TTC14: variants seen among roughly 807,000 people sequenced by gnomAD.
The protein encoded by TTC14 is tetratricopeptide repeat domain 14.
TTC14 carries 63 observed loss-of-function variants against 79.9 expected under a neutral mutation model. The observed-to-expected ratio is 0.79, with a 90% CI of 0.64 to 0.97. TTC14 has a LOEUF of 0.97. Among genes scored for constraint, TTC14 ranks in the 50% least tolerant of loss-of-function variants. The probability of loss-of-function intolerance (pLI) is 0.00; values close to 1 mark genes in which losing one functional copy is unlikely to be tolerated. For missense variants in TTC14, 895 were observed against 894.0 expected, an observed-to-expected ratio of 1.00 and a Z score of -0.01; for synonymous variants, 335 against 309.6, an observed-to-expected ratio of 1.08 and a Z score of -0.86.
chr3:180,617,492 T>C (rs368349887), exon 13 of TTC14: 15 of 682,484 alleles, frequency 2.2e-5, no homozygotes, highest in East Asian at 1.1e-4. Context: ...TTCATGTTAC[T>C]GACCCTGAAG....
intron 3 of TTC14, 45 bp from the exon 4 acceptor site, chr3:180,604,180 T>A (rs369022377): frequency 6.5e-7 from 1 of 1,526,960 alleles, no homozygotes; most frequent in Non-Finnish European, 9.1e-7. Context: ...ACTGTTCTTA[T>A]CAAAGCTTGA....
chr3:180,616,216 T>A (rs1717231926), intron 12 of TTC14: 1 of 1,368,666 alleles, frequency 7.3e-7, no homozygotes, highest in Non-Finnish European at 1.0e-6. Context: ...GATGTAGAAG[T>A]GGCTGGAATC....
chr3:180,614,951 A>G, downstream of TTC14: 7 of 1,566,162 alleles, frequency 4.5e-6, no homozygotes, highest in Non-Finnish European at 6.1e-6. Flanking sequence ...TCTTAACATT[A>G]CTAGAGCTAC....
At chr3:180,617,025 T>C (rs1717273854) in intron 12 of TTC14, 1 of 914,404 alleles carries the variant, frequency 1.1e-6, no homozygotes, top group African/African-American at 1.7e-5. Context: ...TTATAACTTG[T>C]CATTTATCAA....
rs762561941 is a variant in TTC14, at chr3:180,602,989, C to T, written c.260C>T (p.Thr87Ile). ...TCCTGGAAATCAGATGCACCTGCAA[C>T]TTCTGAAATTAATGAAGACAGTGAA... is the stretch of plus-strand genomic sequence containing the variant. The part of the protein sequence containing the change: ...ALSWKSDAPA[T>I]SEINEDSEDH... The change falls in exon 2 of 12, where the codon ACT becomes ATT. Residue 87 changes from threonine (T) to isoleucine (I), a missense_variant. Physicochemically the swap from Thr to Ile is moderately conservative, Grantham distance 89 (BLOSUM62 -1). Transcript: ENST00000296015. 1 of 1,613,586 alleles carries T rather than the reference C, an allele frequency of 6.2e-7. No individual in the cohort carries two copies. Among genetic ancestry groups the T allele is most frequent in the East Asian group, 2.2e-5 (1 of 44,866 alleles).
intron 7 of TTC14, 149 bp from the exon 8 acceptor site, chr3:180,606,101 CAGA>C (rs1716667347): frequency 9.2e-7 from 1 of 1,082,276 alleles, no homozygotes; most frequent in African/African-American, 1.6e-5. Flanking sequence ...TGTCCAAAGG[CAGA>C]AGAACGTTCC....
chr3:180,604,780 A>ATAT, intron 5 of TTC14, 72 bp from the exon 6 acceptor site: 1 of 1,494,908 alleles, frequency 6.7e-7, no homozygotes, highest in Non-Finnish European at 9.0e-7. Context: ...ACCTCAAATG[A>ATAT]TATTATTTCT....
At chr3:180,613,518 AG>A (rs553326329), downstream of TTC14, among the ~76,000 whole-genome samples, 457 of 152,342 alleles carry the variant, frequency 3.0e-3, 4 homozygotes, top group African/African-American at 0.01. Context: ...CTGTGTGTCA[AG>A]CCCTGTGCAT....
At position 180,602,173 on chromosome 3, in the gene TTC14, T is replaced by A. The variant is rs1716384538; in HGVS notation, c.-89T>A. 2.6e-6 allele frequency: 4 copies of A among 1,526,648 alleles called. No homozygotes were observed. In the South Asian group the frequency reaches 5.0e-5, roughly 19 times the overall value. 94.6% of individuals were successfully genotyped at this position (1,526,648 alleles called of 1,614,324 possible). A position where few individuals can be genotyped will look rare whatever the true frequency, so the allele number is the denominator to read the frequency against. ...CTTCCGGCAGCCTCCAGACAGTTTC[T>A]TCCGCTTCCTGTACCACCCGGCTCA... On this transcript the variant is annotated 5_prime_UTR_variant, in exon 1 of 12. Transcript: ENST00000296015.
Position 180,603,035 on chromosome 3 carries a change from C to T in TTC14, c.286+20C>T. On this transcript the variant is annotated intron_variant, in intron 2 of 11. Coordinates refer to ENST00000296015, the MANE Select transcript of TTC14 (RefSeq NM_133462.4). ...GTGAAGGTCAGTTTAGCCTTAAAAT[C>T]TTTAAGATTGCGGTTCGGTTTAACA... 6.2e-7 allele frequency: 1 copy of T among 1,610,082 alleles called. No individual in the cohort carries two copies. The highest frequency in any genetic ancestry group is 8.5e-7 in the Non-Finnish European group (1 of 1,178,746).
At chr3:180,614,795 ATCAGTTTTTACAC>A, downstream of TTC14, 4 of 743,898 alleles carry the variant, frequency 5.4e-6, no homozygotes, top group Non-Finnish European at 8.2e-6. Context: ...TTTTAAAACT[ATCAGTTTTTACAC>A]TTACCACTAA....
intron 6 of TTC14, 47 bp from the exon 7 acceptor site, chr3:180,605,718 TA>T: frequency 4.2e-6 from 6 of 1,428,934 alleles, no homozygotes; most frequent in Non-Finnish European, 5.7e-6. Context: ...TATAGTTACT[TA>T]AAAAATATTT....
intron 2 of TTC14, 28 bp from the exon 3 acceptor site, chr3:180,603,096 A>G (rs1716465138): frequency 1.2e-6 from 2 of 1,610,432 alleles, no homozygotes; most frequent in Admixed American, 1.7e-5. Context: ...AACTATCGTT[A>G]GTGATTTTGT....
At chr3:180,618,041 A>T (rs1717313661), downstream of TTC14, among the ~76,000 whole-genome samples, 1 of 152,100 alleles carries the variant, frequency 6.6e-6, no homozygotes, top group African/African-American at 2.4e-5. Flanking sequence ...ATTTGTTTAG[A>T]TACACAAGTA....
At chr3:180,604,022 A>C in intron 3 of TTC14, 2 of 575,812 alleles carry the variant, frequency 3.5e-6, no homozygotes, top group Non-Finnish European at 6.1e-6. Flanking sequence ...AAGTTTCATG[A>C]GATTTTAGTT....
intron 12 of TTC14, chr3:180,616,485 A>G (rs1717247242): frequency 6.6e-7 from 1 of 1,507,916 alleles, no homozygotes; most frequent in Admixed American, 2.3e-5. Context: ...TGAAGTTTTT[A>G]AGAAATATTT....
intron 12 of TTC14, chr3:180,616,575 C>T: frequency 1.9e-6 from 3 of 1,601,666 alleles, no homozygotes; most frequent in Non-Finnish European, 2.6e-6. Context: ...ATGATATCAA[C>T]TAACATTTCA....
chr3:180,608,093 T>C, intron 10 of TTC14: 2 of 1,035,150 alleles, frequency 1.9e-6, no homozygotes, highest in Non-Finnish European at 2.3e-6. Context: ...TTTTGAGACA[T>C]ATTTTAAATT....
At chr3:180,611,293 G>A (rs575102586), downstream of TTC14, among the ~76,000 whole-genome samples, 32 of 152,214 alleles carry the variant, frequency 2.1e-4, no homozygotes, top group South Asian at 6.2e-3. Context: ...TGTATTCCAC[G>A]CAAGGGTAAA....
Sources: allele counts gnomAD v4.1 joint callset (sites outside exome capture counted in the v4.1 genomes callset), GRCh38; gene constraint gnomAD v4.1.1; transcripts MANE v1.5; gene names NCBI Gene and HGNC (gene_info 2026-07-23, HGNC 2026-07-21).